The following CCDC88C variants were observed in gnomAD, a reference collection of about 807,000 sequenced individuals.
CCDC88C encodes the protein coiled-coil and HOOK domain protein 88C.
A neutral mutation model predicts 198.8 loss-of-function variants in CCDC88C; 131 were observed. That is an observed-to-expected ratio of 0.66 (90% CI 0.57 to 0.76). The LOEUF (loss-of-function observed/expected upper bound fraction) is 0.76. CCDC88C is among the 30% of genes least tolerant of loss of function. CCDC88C has a pLI of 0.00. For missense variants in CCDC88C, 2,553 were observed against 2,631.6 expected (o/e 0.97, Z 0.65); for synonymous variants, 1,166 against 1,114.7 (o/e 1.05, Z -0.92).
chr14:91,279,346 A>C, intron 27 of CCDC88C, 40 bp from the exon 28 acceptor site: 1 of 1,523,470 alleles, frequency 6.6e-7, no homozygotes, highest in Non-Finnish European at 9.0e-7. Context: ...AAAGCCAATG[A>C]CCAGGTATAT....
At position 91,307,194 on chromosome 14, in the gene CCDC88C, G is replaced by C. The variant is rs760690198; in HGVS notation, c.3039C>G (p.Asn1013Lys). 1.9e-6 allele frequency: 3 copies of C among 1,613,762 alleles called. No homozygotes were observed. The highest frequency in any genetic ancestry group is 1.7e-4 in the Middle Eastern group (1 of 6,058). ...LKKECETLRQ[N>K]QGEGQHLQNS... ...TCTGCAAGTGCTGCCCCTCTCCCTGGTTCTGCCTGAGGGTCTCACACTCCT... is the reference window on the plus strand; with the variant it reads ...TCTGCAAGTGCTGCCCCTCTCCCTGCTTCTGCCTGAGGGTCTCACACTCCT... The change falls in exon 18 of 30, where the codon AAC (asparagine) becomes AAG (lysine). Residue 1013 changes from asparagine (N) to lysine (K), a missense_variant. By Grantham distance (94) the Asn-to-Lys change is moderately conservative. Transcript: ENST00000389857.
At chr14:91,302,673 G>A (rs996654859) in intron 20 of CCDC88C, among the ~76,000 whole-genome samples, 1 of 152,216 alleles carries the variant, frequency 6.6e-6, no homozygotes, top group Non-Finnish European at 1.5e-5. Context: ...AATGAGAACA[G>A]CAGGACATAA....
chr14:91,350,346 G>C (rs933667698), intron 4 of CCDC88C, among the ~76,000 whole-genome samples: 7 of 152,046 alleles, frequency 4.6e-5, no homozygotes, highest in East Asian at 1.9e-4. Flanking sequence ...TTTTTTAGTA[G>C]AGACAGGGTT....
intron 3 of CCDC88C, among the ~76,000 whole-genome samples, chr14:91,372,480 A>G (rs965971870): frequency 2.1e-4 from 27 of 128,616 alleles, no homozygotes. Context: ...GGAAGCTGAA[A>G]TGGGAAAGAA....
intron 3 of CCDC88C, among the ~76,000 whole-genome samples, chr14:91,376,630 G>A (rs1567108286): frequency 1.3e-5 from 2 of 152,240 alleles, no homozygotes; most frequent in Non-Finnish European, 2.9e-5. Context: ...TGGGCATCCT[G>A]AGAGCCACCT....
chr14:91,384,199 G>A (rs1219373188), intron 3 of CCDC88C, among the ~76,000 whole-genome samples: 3 of 152,112 alleles, frequency 2.0e-5, no homozygotes, highest in Non-Finnish European at 4.4e-5. Context: ...CACTTTGGGA[G>A]GCTGAGGTGG....
At chr14:91,399,314 A>G (rs1416289509) in intron 3 of CCDC88C, among the ~76,000 whole-genome samples, 1 of 152,024 alleles carries the variant, frequency 6.6e-6, no homozygotes, top group African/African-American at 2.4e-5. Flanking sequence ...AGGCCCACCC[A>G]GAGAACAGCA....
chr14:91,382,232 CA>C (rs1297423877), intron 3 of CCDC88C, among the ~76,000 whole-genome samples: 1 of 152,168 alleles, frequency 6.6e-6, no homozygotes, highest in Non-Finnish European at 1.5e-5. Context: ...CTCTTTTCCA[CA>C]AATCTCAACG....
At chr14:91,380,360 C>T (rs938794283) in intron 3 of CCDC88C, among the ~76,000 whole-genome samples, 5 of 152,086 alleles carry the variant, frequency 3.3e-5, no homozygotes, top group African/African-American at 9.7e-5. Context: ...GAGTCAGGCC[C>T]GCATCTCTCA....
In CCDC88C at chr14:91,324,783, T is replaced by C. The variant is rs754173312; in HGVS notation, c.1338A>G (p.Ser446=). ...LEQLSKNADL[S]DASRKSFVFE... Reference sequence around the variant, plus strand: ...CCGGCACCAGGCGCTACCTACCGTCTGACAAGTCTGCGTTCTTGGACAGCT... The same window carrying C: ...CCGGCACCAGGCGCTACCTACCGTCCGACAAGTCTGCGTTCTTGGACAGCT... Residue 446 remains serine (S), a synonymous_variant, in exon 12 of 30, where the codon TCA becomes TCG. Coordinates refer to ENST00000389857, the MANE Select transcript of CCDC88C (RefSeq NM_001080414.4). 8 of 1,611,030 alleles carry C rather than the reference T, an allele frequency of 5.0e-6. No homozygotes were observed. The East Asian group carries it at 1.6e-4, about 31-fold the overall frequency.
chr14:91,289,391 C>T, intron 24 of CCDC88C, 48 bp from the exon 25 acceptor site: 1 of 1,490,788 alleles, frequency 6.7e-7, no homozygotes, highest in Non-Finnish European at 9.3e-7. Context: ...CCCACACACC[C>T]CCAGTGGGTC....
intron 12 of CCDC88C, among the ~76,000 whole-genome samples, chr14:91,324,520 G>A (rs940742265): frequency 5.3e-5 from 8 of 152,224 alleles, no homozygotes; most frequent in African/African-American, 1.7e-4. Flanking sequence ...GGAAGCTCCC[G>A]GGAATGTCCA....
intron 18 of CCDC88C, among the ~76,000 whole-genome samples, chr14:91,306,625 G>A (rs1891566540): frequency 6.6e-6 from 1 of 152,220 alleles, no homozygotes; most frequent in South Asian, 2.1e-4. Flanking sequence ...ATACTTTTGG[G>A]TTTGCCAGCC....
At chr14:91,364,851 A>G (rs1365858717) in intron 3 of CCDC88C, among the ~76,000 whole-genome samples, 1 of 152,216 alleles carries the variant, frequency 6.6e-6, no homozygotes, top group East Asian at 1.9e-4. Context: ...CCAAAGAGAA[A>G]GCTGATTCTA....
In CCDC88C at chr14:91,311,811, GT is replaced by G. The variant is rs1173620573; in HGVS notation, c.2736+1268del. On this transcript the variant is annotated intron_variant, in intron 15 of 29. Coordinates refer to ENST00000389857, the MANE Select transcript of CCDC88C (RefSeq NM_001080414.4). ...TTTATATCCCTCAAGAGACTAACAC[GT>G]TCACACTCTTTGACCCTGTAATTCC... 3.3e-5 allele frequency among the ~76,000 whole-genome samples: 5 copies of G among 152,006 alleles called. No homozygotes were observed. In the East Asian group the frequency reaches 9.7e-4, roughly 29 times the overall value.
Position 91,324,635 on chromosome 14 carries a change from G to A in CCDC88C, c.1342+144C>T, listed in dbSNP as rs1892507294. 14 of 1,060,366 alleles carry A rather than the reference G, an allele frequency of 1.3e-5. No individual in the cohort carries two copies. The South Asian group carries it at 1.8e-4, about 14-fold the overall frequency. The allele number at this position is 1,060,366 out of a possible 1,614,324, so 65.7% of individuals were successfully genotyped here. The stretch of plus-strand genomic sequence containing the variant: ...CCCTGGGGAGAACTGTAATGAAACA[G>A]TTCCAAGTGGAGCTTGAAGGAAATC... On this transcript the variant is annotated intron_variant, in intron 12 of 29. Coordinates refer to ENST00000389857, the MANE Select transcript of CCDC88C (RefSeq NM_001080414.4).
At position 91,300,087 on chromosome 14, in the gene CCDC88C, C is replaced by A; in HGVS notation, c.3636-17G>T. 6.2e-7 allele frequency: 1 copy of A among 1,604,362 alleles called. No individual in the cohort carries two copies. Among genetic ancestry groups the A allele is most frequent in the Non-Finnish European group, 8.5e-7 (1 of 1,176,316 alleles). ...TCACCGTGCCTGTTGGAGGGAAGCA[C>A]CTGCCGTGAGTCTGGCCAGGGCCTT... On this transcript the variant is annotated splice_polypyrimidine_tract_variant and intron_variant, in intron 20 of 29. Transcript: ENST00000389857.
rs201532206 is a variant in CCDC88C at position 91,326,074 on chromosome 14, A to C, written c.1051-18T>G. On this transcript the variant is annotated intron_variant, in intron 10 of 29. Coordinates refer to ENST00000389857, the MANE Select transcript of CCDC88C (RefSeq NM_001080414.4). The stretch of plus-strand genomic sequence containing the variant: ...CTCAGCTCCTGGTTAGCAAAAACAT[A>C]CATGAGAACCATCAGATAAAGGCAC... 1.1e-4 allele frequency: 176 copies of C among 1,604,526 alleles called. 3 individuals are homozygous for C. The East Asian group carries it at 3.9e-3, about 35-fold the overall frequency.
chr14:91,329,266 A>G (rs1185084369), intron 10 of CCDC88C, among the ~76,000 whole-genome samples: 1 of 152,222 alleles, frequency 6.6e-6, no homozygotes, highest in Admixed American at 6.5e-5. Context: ...GCTGAACCTC[A>G]TCACAACTCC....
Sources: allele counts gnomAD v4.1 joint callset (sites outside exome capture counted in the v4.1 genomes callset), GRCh38; gene constraint gnomAD v4.1.1; transcripts MANE v1.5; gene names NCBI Gene and HGNC (gene_info 2026-07-23, HGNC 2026-07-21).